The following FBXO41 variants were observed in gnomAD, a reference collection of about 807,000 sequenced individuals.
FBXO41 encodes the protein F-box protein 41.
Under a neutral mutation model 81.6 loss-of-function variants are expected in FBXO41, and 33 were observed. That is an observed-to-expected ratio of 0.40 (90% CI 0.31 to 0.54). The LOEUF is 0.54. Ranked by LOEUF, FBXO41 falls within the 20% of genes least tolerant of loss-of-function variation. The pLI, the probability that FBXO41 is intolerant of heterozygous loss-of-function variation, is 0.39. For missense variants in FBXO41, 1,107 were observed against 1,236.0 expected (o/e 0.90, Z 1.56); for synonymous variants, 576 against 552.7 (o/e 1.04, Z -0.59).
At position 73,263,300 on chromosome 2, in the gene FBXO41, G is replaced by T; in HGVS notation, c.2084C>A (p.Thr695Lys). Residue 695 changes from threonine (T) to lysine (K), a missense_variant, in exon 9 of 13, where the codon ACA (threonine) becomes AAA (lysine). Coordinates refer to ENST00000520530, the MANE Select transcript of FBXO41 (RefSeq NM_001371389.2). ...AATGACCTCATGGCCCACGGGGTCT[G>T]TGGCACTCCTGTGAAAAGACAAAGC... ...ALQAVTYRSATDPVGHEVIWA... is the reference protein window; with the variant it reads ...ALQAVTYRSAKDPVGHEVIWA... 2 of 1,530,912 alleles carry T rather than the reference G, an allele frequency of 1.3e-6. No homozygotes were observed. The highest frequency in any genetic ancestry group is 8.8e-7 in the Non-Finnish European group (1 of 1,138,148). The allele number at this position is 1,530,912 out of a possible 1,614,324, so 94.8% of individuals were successfully genotyped here.
chr2:73,283,263 A>G (rs574090778), intron 1 of FBXO41, among the ~76,000 whole-genome samples: 3 of 152,228 alleles, frequency 2.0e-5, no homozygotes, highest in African/African-American at 7.2e-5. Flanking sequence ...GGCTCTCCAC[A>G]CCTGTGGCTG....
intron 1 of FBXO41, among the ~76,000 whole-genome samples, chr2:73,277,426 A>C (rs367953938): frequency 7.9e-5 from 12 of 152,362 alleles, no homozygotes; most frequent in African/African-American, 2.4e-4. Flanking sequence ...TACTATGAGC[A>C]CCATGACAGA....
At chr2:73,265,251 G>C (rs748061615) in intron 5 of FBXO41, 31 bp downstream of exon 5, 3 of 1,557,526 alleles carry the variant, frequency 1.9e-6, no homozygotes, top group Non-Finnish European at 2.6e-6. Context: ...CCTCAGACCT[G>C]TGTCCCCCTG....
In FBXO41 at chr2:73,269,450, C is replaced by A; in HGVS notation, c.181G>T (p.Ala61Ser). 7.7e-7 allele frequency: 1 copy of A among 1,296,020 alleles called. No individual in the cohort carries two copies. The highest frequency in any genetic ancestry group is 9.8e-7 in the Non-Finnish European group (1 of 1,025,502). 80.3% of individuals were successfully genotyped at this position (1,296,020 alleles called of 1,614,324 possible). ...TCGGGAGCCAGCGGGAACCCCGAGG[C>A]AGCGGCGGCGGCGGCCGCGGCGGCG... ...AAAAAAAAAA[A>S]SGFPLAPEPA... The change falls in exon 2 of 13, where the codon GCC (alanine) becomes TCC (serine). Residue 61 changes from alanine to serine, a missense_variant. Coordinates refer to ENST00000520530, the MANE Select transcript of FBXO41 (RefSeq NM_001371389.2). This position sits in a 1 kb window ranked among gnomAD's most constrained non-coding sequence, Gnocchi z 7.0.
intron 1 of FBXO41, among the ~76,000 whole-genome samples, chr2:73,279,206 T>TAA (rs1688781099): frequency 6.6e-6 from 1 of 152,050 alleles, no homozygotes; most frequent in African/African-American, 2.4e-5. Flanking sequence ...GTTTGGGTCT[T>TAA]AAGCAACTGG....
At chr2:73,276,546 C>T (rs1688684911) in intron 1 of FBXO41, among the ~76,000 whole-genome samples, 1 of 142,464 alleles carries the variant, frequency 7.0e-6, no homozygotes, top group Non-Finnish European at 1.5e-5. Context: ...AAACAGCTCT[C>T]TGGCAAATCT....
At chr2:73,272,924 C>T (rs911826835) in intron 1 of FBXO41, 2 of 152,236 alleles carry the variant, frequency 1.3e-5, no homozygotes, top group Admixed American at 1.3e-4. Context: ...TTGCCCTGAA[C>T]CTCCCCAAAC....
rs367708146 is a variant in FBXO41, at chr2:73,264,515, G to A, written c.1569C>T (p.Arg523=). ...GACCCCGCCCACTGCCTCCCTCGGG[G>A]CGGGCTGCAGAATACCAGGGGTTCA... The part of the protein sequence containing the change: ...GPLSSCRLSA[R]PEGGSGRGRR... The change falls in exon 6 of 13, where the codon CGC becomes CGT. Residue 523 remains arginine (R), a synonymous_variant. Coordinates refer to ENST00000520530, the MANE Select transcript of FBXO41 (RefSeq NM_001371389.2). 8.0e-4 allele frequency: 1,289 copies of A among 1,613,346 alleles called. 2 individuals carry two copies. The highest frequency in any genetic ancestry group is 1.0e-3 in the Non-Finnish European group (1,235 of 1,179,878).
rs73946817 is a variant in FBXO41, at chr2:73,255,576, A to C, written c.*3406T>G. 7.2e-5 allele frequency: 11 copies of C among 152,542 alleles called. No homozygotes were observed. Among genetic ancestry groups the C allele is most frequent in the African/African-American group, 2.7e-4 (11 of 41,398 alleles). The allele number at this position is 152,542 out of a possible 1,614,324, so 9.4% of individuals were successfully genotyped here. On this transcript the variant is annotated 3_prime_UTR_variant, in exon 13 of 13. Transcript: ENST00000520530. Reference sequence around the variant, plus strand: ...ACTTCTCTGGGCATTTGGGCCTTACACCCACTCACCATCTCCTGTTTTTAC... The same window carrying C: ...ACTTCTCTGGGCATTTGGGCCTTACCCCCACTCACCATCTCCTGTTTTTAC...
At position 73,259,341 on chromosome 2, in the gene FBXO41, T is replaced by C; in HGVS notation, c.2450-45A>G. ...GTAGGGGCGTGTTTGGCCTGGGCTG[T>C]GGAGCTGCCTCCTCTCCTCTCACTA... On this transcript the variant is annotated intron_variant, in intron 11 of 12. Transcript: ENST00000520530. This position sits in a 1 kb window ranked among gnomAD's most constrained non-coding sequence, Gnocchi z 4.2. 2.0e-6 allele frequency: 3 copies of C among 1,475,416 alleles called. No homozygotes were observed. Among genetic ancestry groups the C allele is most frequent in the Non-Finnish European group, 2.8e-6 (3 of 1,054,120 alleles). 91.4% of individuals were successfully genotyped at this position (1,475,416 alleles called of 1,614,324 possible).
Position 73,269,636 on chromosome 2 carries a change from C to A in FBXO41, c.-6G>T. ...GGCAGGTCCAGCGAGGCCATGGCCC[C>A]GCCGCCCCCGCGGCACGCGGGCTCC... is the stretch of plus-strand genomic sequence containing the variant. On this transcript the variant is annotated 5_prime_UTR_variant, in exon 2 of 13. Coordinates refer to ENST00000520530, the MANE Select transcript of FBXO41 (RefSeq NM_001371389.2). This position sits in a 1 kb window ranked among gnomAD's most constrained non-coding sequence, Gnocchi z 7.0. 8.4e-7 allele frequency: 1 copy of A among 1,194,008 alleles called. No homozygotes were observed. Among genetic ancestry groups the A allele is most frequent in the Non-Finnish European group, 1.0e-6 (1 of 963,352 alleles). 74.0% of individuals were successfully genotyped at this position (1,194,008 alleles called of 1,614,324 possible). A position where few individuals can be genotyped will look rare whatever the true frequency, so the allele number is the denominator to read the frequency against.
In FBXO41 at chr2:73,266,723, C is replaced by G; in HGVS notation, c.906-41G>C. On this transcript the variant is annotated intron_variant, in intron 2 of 12. Transcript: ENST00000520530. This position sits in a 1 kb window ranked among gnomAD's most constrained non-coding sequence, Gnocchi z 5.3. ...TCTCTTACCCCAGAGCCTCAGCCTG[C>G]CTGCCCACCCACCCTCTGGAGGAGA... 6.7e-7 allele frequency: 1 copy of G among 1,496,042 alleles called. No homozygotes were observed. Among genetic ancestry groups the G allele is most frequent in the Non-Finnish European group, 8.9e-7 (1 of 1,123,622 alleles). The allele number at this position is 1,496,042 out of a possible 1,614,324, so 92.7% of individuals were successfully genotyped here.
In FBXO41 at chr2:73,258,851, G is replaced by T; in HGVS notation, c.*131C>A. ...GCTCCAGGAGGAGGACAGGAGACTT[G>T]ACAGTCCCCCTCCAGAAGCCAGGGA... On this transcript the variant is annotated 3_prime_UTR_variant, in exon 13 of 13. Coordinates refer to ENST00000520530, the MANE Select transcript of FBXO41 (RefSeq NM_001371389.2). The T allele has an allele frequency of 2.0e-6, 2 of 1,002,528 alleles. No homozygotes were observed. The highest frequency in any genetic ancestry group is 1.7e-5 in the South Asian group (1 of 59,366). 62.1% of individuals were successfully genotyped at this position (1,002,528 alleles called of 1,614,324 possible). A position where few individuals can be genotyped will look rare whatever the true frequency, so the allele number is the denominator to read the frequency against.
intron 1 of FBXO41, among the ~76,000 whole-genome samples, chr2:73,280,115 C>T (rs917752406): frequency 3.3e-5 from 5 of 151,636 alleles, no homozygotes; most frequent in Admixed American, 6.6e-5. Flanking sequence ...GCGACCCCCC[C>T]TGCCCCCGCC....
rs1482737641 is a variant in FBXO41 at position 73,259,135 on chromosome 2, G to A, written c.2565+46C>T. On this transcript the variant is annotated intron_variant, in intron 12 of 12. Transcript: ENST00000520530. This position sits in a 1 kb window ranked among gnomAD's most constrained non-coding sequence, Gnocchi z 4.2. ...CACCCAGGTCACCAGCCCCAGTCTA[G>A]GGATGCCACTTGGGGTCTTGGACAG... The A allele has an allele frequency of 6.2e-7, 1 of 1,612,102 alleles. No homozygotes were observed. Among genetic ancestry groups the A allele is most frequent in the East Asian group, 2.2e-5 (1 of 44,872 alleles).
At chr2:73,270,332 GTGGTTATACAGTTGTGTACATAT>G (rs1404186780) in intron 1 of FBXO41, among the ~76,000 whole-genome samples, 1 of 152,160 alleles carries the variant, frequency 6.6e-6, no homozygotes, top group African/African-American at 2.4e-5. Context: ...GCTTTGAGTG[GTGGTTATACAGTTGTGTACATAT>G]TTAAACAATC....
Position 73,259,090 on chromosome 2 carries a change from T to A in FBXO41, c.2566-46A>T. On this transcript the variant is annotated intron_variant, in intron 12 of 12. Transcript: ENST00000520530. This position sits in a 1 kb window ranked among gnomAD's most constrained non-coding sequence, Gnocchi z 4.2. ...TAGTTCTCCCTCCGTGCCAGGCAGG[T>A]GGGGCCCTCCTGCCACACTCACCCA... is the stretch of plus-strand genomic sequence containing the variant. The A allele has an allele frequency of 1.9e-6, 3 of 1,606,222 alleles. No homozygotes were observed. Among genetic ancestry groups the A allele is most frequent in the Non-Finnish European group, 2.6e-6 (3 of 1,175,128 alleles).
At chr2:73,275,341 C>T (rs766695754) in intron 1 of FBXO41, among the ~76,000 whole-genome samples, 4 of 152,126 alleles carry the variant, frequency 2.6e-5, no homozygotes, top group Non-Finnish European at 4.4e-5. Flanking sequence ...CACCACCACA[C>T]GTGGCTAATT....
chr2:73,260,279 C>A lies in FBXO41; in HGVS notation c.2449+110G>T. ...CTTAACCTGTCCCCCTGCCTCTGCC[C>A]TTGGCTGGAGACTCTGATCCATCTG... is the stretch of plus-strand genomic sequence containing the variant. On this transcript the variant is annotated intron_variant, in intron 11 of 12. Coordinates refer to ENST00000520530, the MANE Select transcript of FBXO41 (RefSeq NM_001371389.2). The surrounding 1 kb of genome is among the most constrained non-coding windows in gnomAD (Gnocchi z 5.0). The A allele has an allele frequency of 4.2e-6, 6 of 1,421,750 alleles. No individual in the cohort carries two copies. Among genetic ancestry groups the A allele is most frequent in the South Asian group, 1.4e-5 (1 of 72,796 alleles). The allele number at this position is 1,421,750 out of a possible 1,614,324, so 88.1% of individuals were successfully genotyped here.
Sources: allele counts gnomAD v4.1 joint callset (sites outside exome capture counted in the v4.1 genomes callset), GRCh38; gene constraint gnomAD v4.1.1; non-coding constraint Gnocchi (gnomAD v3.1); transcripts MANE v1.5; gene names NCBI Gene and HGNC (gene_info 2026-07-23, HGNC 2026-07-21).